ZBTB25: variants seen among roughly 807,000 people sequenced by gnomAD.
ZBTB25 encodes zinc finger and BTB domain-containing protein 25.
In ZBTB25, 20 loss-of-function variants were observed where a neutral mutation model predicts 34.2. The observed-to-expected ratio is 0.58, with a 90% CI of 0.41 to 0.85. ZBTB25 has a LOEUF of 0.85. Ranked by LOEUF, ZBTB25 falls within the 40% of genes least tolerant of loss-of-function variation. ZBTB25 has a pLI of 0.00. For synonymous variants in ZBTB25, 175 were observed against 186.4 expected, an observed-to-expected ratio of 0.94 and a Z score of 0.50; for missense variants, 437 against 521.8, an observed-to-expected ratio of 0.84 and a Z score of 1.58.
At chr14:64,494,153 G>A (rs769034323) in intron 1 of ZBTB25, among the ~76,000 whole-genome samples, 3 of 152,144 alleles carry the variant, frequency 2.0e-5, no homozygotes, top group African/African-American at 4.8e-5. Context: ...AGAAAACATC[G>A]TCATTGAGGA....
chr14:64,477,815 C>T (rs960281561), downstream of ZBTB25, among the ~76,000 whole-genome samples: 1 of 152,162 alleles, frequency 6.6e-6, no homozygotes, highest in African/African-American at 2.4e-5. Flanking sequence ...CACAAGATCC[C>T]ATTCCTCAAA....
At chr14:64,490,277 CAAA>C (rs2079035578) in intron 2 of ZBTB25, 81 bp downstream of exon 2, 1 of 677,312 alleles carries the variant, frequency 1.5e-6, no homozygotes, top group South Asian at 4.1e-5. Flanking sequence ...GACTCCGTAA[CAAA>C]GAATTTCCAA....
intron 2 of ZBTB25, chr14:64,453,603 C>T (rs2078414806): frequency 1.5e-6 from 1 of 666,292 alleles, no homozygotes; most frequent in East Asian, 2.9e-5. Flanking sequence ...TTAACCCAAT[C>T]ATCAACCTCA....
At chr14:64,456,019 G>A (rs1461206931) in intron 2 of ZBTB25, among the ~76,000 whole-genome samples, 2 of 152,220 alleles carry the variant, frequency 1.3e-5, no homozygotes, top group African/African-American at 2.4e-5. Context: ...CTTGAATAGT[G>A]CAGAAATATG....
intron 2 of ZBTB25, among the ~76,000 whole-genome samples, chr14:64,489,284 TAAAAAATAAAAAA>T (rs1265244594): frequency 2.9e-5 from 4 of 138,672 alleles, no homozygotes; most frequent in Admixed American, 2.8e-4. Context: ...AAAATAAAAA[TAAAAAATAAAAAA>T]AACAAAAGTG....
rs71444659 is a variant in ZBTB25, at chr14:64,483,940, C to CAAAAAAAAAAAAAAAAAAAAAAAAAAA, written c.*2956_*2982dup. On this transcript the variant is annotated 3_prime_UTR_variant, in exon 3 of 3. Coordinates refer to ENST00000608382, the MANE Select transcript of ZBTB25 (RefSeq NM_006977.5). Reference sequence around the variant, plus strand: ...GCCTGGCGACACAGCACGACTGTCTCAAAAAAAAAAAAAAAAAAAAAAAAA... The same window carrying CAAAAAAAAAAAAAAAAAAAAAAAAAAA: ...GCCTGGCGACACAGCACGACTGTCTCAAAAAAAAAAAAAAAAAAAAAAAAAAAAAAAAAAAAAAAAAAAAAAAAAAAA... 1 of 29,252 alleles carries CAAAAAAAAAAAAAAAAAAAAAAAAAAA rather than the reference C, an allele frequency of 3.4e-5. No individual in the cohort carries two copies. The highest frequency in any genetic ancestry group is 5.4e-5 in the Non-Finnish European group (1 of 18,442). The allele number at this position is 29,252 out of a possible 1,614,324, so 1.8% of individuals were successfully genotyped here. A position where few individuals can be genotyped will look rare whatever the true frequency, so the allele number is the denominator to read the frequency against.
chr14:64,486,226 C>T lies in ZBTB25; in HGVS notation c.*697G>A, dbSNP rs542623268. On this transcript the variant is annotated 3_prime_UTR_variant, in exon 3 of 3. Transcript: ENST00000608382. ...CTGAGGCAGGAGAATGGCGTGAACC[C>T]GGGAGGCGGAGCTTGCAGTCAGCCG... 121 of 876,356 alleles carry T rather than the reference C, an allele frequency of 1.4e-4. No individual in the cohort carries two copies. The African/African-American group carries it at 1.5e-3, about 11-fold the overall frequency. 54.3% of individuals were successfully genotyped at this position (876,356 alleles called of 1,614,324 possible). A position where few individuals can be genotyped will look rare whatever the true frequency, so the allele number is the denominator to read the frequency against.
chr14:64,505,056 G>T (rs1005753630), upstream of ZBTB25: 1 of 372,480 alleles, frequency 2.7e-6, no homozygotes, highest in African/African-American at 2.1e-5. Context: ...GATCCGTGCG[G>T]GGAGCCGGAG....
chr14:64,455,069 G>C, intron 2 of ZBTB25: 1 of 614,084 alleles, frequency 1.6e-6, no homozygotes, highest in Non-Finnish European at 2.9e-6. Context: ...GGACCATCTT[G>C]GTGTCAAATC....
At chr14:64,497,174 A>AG (rs2079307314) in intron 1 of ZBTB25, among the ~76,000 whole-genome samples, 1 of 152,112 alleles carries the variant, frequency 6.6e-6, no homozygotes, top group Non-Finnish European at 1.5e-5. Context: ...ATTAAAAAAA[A>AG]AACACCAAGT....
chr14:64,487,666 C>T lies in ZBTB25; in HGVS notation c.565G>A (p.Ala189Thr). ...TGGTGCTCCTCCAGGGCCTGGGTGGCAGGACAGGCCCTCTGCTGGTCTGCA... is the reference window on the plus strand; with the variant it reads ...TGGTGCTCCTCCAGGGCCTGGGTGGTAGGACAGGCCCTCTGCTGGTCTGCA... ...GTADQQRACP[A>T]TQALEEHQKP... The change falls in exon 3 of 3, where the codon GCC becomes ACC. Residue 189 changes from alanine to threonine, a missense_variant. By Grantham distance (58) the Ala-to-Thr change is moderately conservative. Transcript: ENST00000608382. 1 of 1,605,526 alleles carries T rather than the reference C, an allele frequency of 6.2e-7. No homozygotes were observed. Among genetic ancestry groups the T allele is most frequent in the East Asian group, 2.2e-5 (1 of 44,784 alleles).
At chr14:64,449,759 C>T in intron 2 of ZBTB25, 1 of 975,352 alleles carries the variant, frequency 1.0e-6, no homozygotes, top group South Asian at 1.4e-5. Flanking sequence ...GTGACTTACA[C>T]AACCACAGCC....
chr14:64,504,750 T>C, upstream of ZBTB25: 1 of 374,994 alleles, frequency 2.7e-6, no homozygotes, highest in Non-Finnish European at 4.7e-6. Context: ...GGCGCGGCTG[T>C]GCGGCAGCGG....
At chr14:64,494,175 C>G (rs1019240545) in intron 1 of ZBTB25, among the ~76,000 whole-genome samples, 2 of 152,134 alleles carry the variant, frequency 1.3e-5, no homozygotes, top group African/African-American at 4.8e-5. Flanking sequence ...AGGCAATGAC[C>G]TTGCAGAAAG....
chr14:64,468,220 G>C (rs2078631051), intron 2 of ZBTB25: 1 of 454,538 alleles, frequency 2.2e-6, no homozygotes, highest in South Asian at 5.6e-5. Context: ...AGAGAAACTG[G>C]GCATTTCTAT....
intron 2 of ZBTB25, among the ~76,000 whole-genome samples, chr14:64,455,426 T>C (rs1485074199): frequency 6.6e-6 from 1 of 152,210 alleles, no homozygotes; most frequent in Non-Finnish European, 1.5e-5. Flanking sequence ...GTCCATTGCT[T>C]TCTTATCTTA....
chr14:64,498,058 A>T (rs1272590340), intron 1 of ZBTB25, among the ~76,000 whole-genome samples: 2 of 152,244 alleles, frequency 1.3e-5, no homozygotes, highest in African/African-American at 4.8e-5. Flanking sequence ...AAAATATTTC[A>T]AGTGCCATAT....
chr14:64,466,394 C>T (rs1212292514), intron 2 of ZBTB25, among the ~76,000 whole-genome samples: 5 of 152,102 alleles, frequency 3.3e-5, no homozygotes, highest in African/African-American at 4.8e-5. Flanking sequence ...TTGCGCAATC[C>T]AGGTTAGTTT....
intron 2 of ZBTB25, among the ~76,000 whole-genome samples, chr14:64,466,367 T>C (rs2078613528): frequency 6.6e-6 from 1 of 152,220 alleles, no homozygotes; most frequent in Non-Finnish European, 1.5e-5. Flanking sequence ...TCAAGTGAGC[T>C]TCTCAAACGA....
Sources: allele counts gnomAD v4.1 joint callset (sites outside exome capture counted in the v4.1 genomes callset), GRCh38; gene constraint gnomAD v4.1.1; transcripts MANE v1.5; gene names NCBI Gene and HGNC (gene_info 2026-07-23, HGNC 2026-07-21).